Variants in SLC35F1 observed in about 807,000 individuals in gnomAD.
The protein encoded by SLC35F1 is solute carrier family 35 member F1.
Under a neutral mutation model 48.7 loss-of-function variants are expected in SLC35F1, and 14 were observed. The ratio of observed to expected loss-of-function variants is 0.29; its 90% CI spans 0.19 to 0.45. The LOEUF is 0.45. Ranked by LOEUF, SLC35F1 falls within the 20% of genes least tolerant of loss-of-function variation. SLC35F1 has a pLI of 1.00. For missense variants in SLC35F1, 404 were observed against 500.0 expected (o/e 0.81, Z 1.83); for synonymous variants, 190 against 202.2 (o/e 0.94, Z 0.51).
intron 1 of SLC35F1, among the ~76,000 whole-genome samples, chr6:118,098,601 T>C (rs960400361): frequency 3.3e-4 from 51 of 152,304 alleles, no homozygotes; most frequent in African/African-American, 1.2e-3. Context: ...TATGTCTTTT[T>C]TTATAATTCC....
intron 1 of SLC35F1, among the ~76,000 whole-genome samples, chr6:118,102,863 A>G (rs1773277954): frequency 6.6e-6 from 1 of 152,206 alleles, no homozygotes. Context: ...ACAGCCTGCT[A>G]TGATATCATG....
chr6:117,996,247 T>C (rs1776987399), intron 1 of SLC35F1, among the ~76,000 whole-genome samples: 1 of 152,216 alleles, frequency 6.6e-6, no homozygotes, highest in Non-Finnish European at 1.5e-5. Flanking sequence ...CACAAACTTT[T>C]GAAATCCTAG....
chr6:118,279,716 C>T (rs989623000), intron 6 of SLC35F1, among the ~76,000 whole-genome samples: 3 of 152,188 alleles, frequency 2.0e-5, no homozygotes, highest in Non-Finnish European at 2.9e-5. Context: ...AAACCCACCC[C>T]ACACTCCTTG....
At chr6:118,293,065 GA>G (rs1776144283) in intron 7 of SLC35F1, among the ~76,000 whole-genome samples, 1 of 152,114 alleles carries the variant, frequency 6.6e-6, no homozygotes, top group South Asian at 2.1e-4. Context: ...TTTTCCATTG[GA>G]GGGTGTGCTG....
At position 118,281,350 on chromosome 6, in the gene SLC35F1, G is replaced by C. The variant is rs142021564; in HGVS notation, c.847+3804G>C. On this transcript the variant is annotated intron_variant, in intron 6 of 7. Coordinates refer to ENST00000360388, the MANE Select transcript of SLC35F1 (RefSeq NM_001029858.4). ...GAATTTAAAGTCAGGCTGCCTATGT[G>C]ACCTAAGGGCAAGTTACTTAACCCC... Among the ~76,000 whole-genome samples the C allele has an allele frequency of 7.4e-4, 112 of 152,138 alleles. No individual in the cohort carries two copies. In the East Asian group the frequency reaches 0.015, roughly 21 times the overall value.
In SLC35F1 at chr6:117,966,141, C is replaced by CG. The variant is rs1554219381; in HGVS notation, c.173+58242_173+58243insG. Among the ~76,000 whole-genome samples the CG allele has an allele frequency of 2.2e-4, 31 of 140,392 alleles. 1 individual carries two copies. Among genetic ancestry groups the CG allele is most frequent in the Non-Finnish European group, 3.8e-4 (24 of 63,422 alleles). The allele number at this position is 140,392 out of a possible 152,430, so 92.1% of individuals were successfully genotyped here. A position where few individuals can be genotyped will look rare whatever the true frequency, so the allele number is the denominator to read the frequency against. The stretch of plus-strand genomic sequence containing the variant: ...TAAAAGCAGGCCACCGCCCCCCCCC[C>CG]CACTCCCGCCCCGCCCCAAGCAGCA... On this transcript the variant is annotated intron_variant, in intron 1 of 7. Transcript: ENST00000360388.
intron 1 of SLC35F1, among the ~76,000 whole-genome samples, chr6:118,124,018 C>T (rs1334835): frequency 0.033 from 5,059 of 152,108 alleles, 210 homozygotes; most frequent in African/African-American, 0.088. Flanking sequence ...AATCACAGAC[C>T]TGAAGAAAGG....
intron 1 of SLC35F1, among the ~76,000 whole-genome samples, chr6:117,996,391 G>C (rs546443811): frequency 6.6e-6 from 1 of 152,306 alleles, no homozygotes; most frequent in East Asian, 1.9e-4. Context: ...AAAGACAGGT[G>C]ATTTCTGCAT....
chr6:118,307,988 G>A (rs1419107872), intron 7 of SLC35F1, among the ~76,000 whole-genome samples: 4 of 152,208 alleles, frequency 2.6e-5, no homozygotes, highest in African/African-American at 9.7e-5. Flanking sequence ...ATAAGGACAC[G>A]CAGAGGGTTG....
At chr6:118,232,549 A>AG (rs1775305889) in intron 2 of SLC35F1, among the ~76,000 whole-genome samples, 1 of 99,626 alleles carries the variant, frequency 1.0e-5, no homozygotes, top group African/African-American at 5.4e-5. Flanking sequence ...ACTCCATCCC[A>AG]AAAAAAAAAA....
intron 1 of SLC35F1, among the ~76,000 whole-genome samples, chr6:117,965,467 T>G (rs1165018994): frequency 6.6e-6 from 1 of 152,214 alleles, no homozygotes; most frequent in Non-Finnish European, 1.5e-5. Flanking sequence ...GCAGAAGTTT[T>G]CCTTCTGGCA....
intron 1 of SLC35F1, among the ~76,000 whole-genome samples, chr6:118,056,371 A>G (rs1432367220): frequency 1.3e-5 from 2 of 152,228 alleles, no homozygotes; most frequent in Non-Finnish European, 2.9e-5. Flanking sequence ...GTGTAAGCAG[A>G]TAAATATACA....
intron 1 of SLC35F1, among the ~76,000 whole-genome samples, chr6:117,979,638 C>G (rs1776749526): frequency 6.6e-6 from 1 of 152,168 alleles, no homozygotes; most frequent in Non-Finnish European, 1.5e-5. Context: ...GCTTAAAACA[C>G]TCTTCTTAAA....
intron 1 of SLC35F1, among the ~76,000 whole-genome samples, chr6:117,923,683 A>ACGTATATG (rs1562238759): frequency 0.33 from 2,314 of 6,980 alleles, 745 homozygotes; most frequent in Middle Eastern, 0.83. Flanking sequence ...ATGTACATAT[A>ACGTATATG]TACATATGTA....
At chr6:118,091,506 C>T (rs531050550) in intron 1 of SLC35F1, among the ~76,000 whole-genome samples, 1 of 152,322 alleles carries the variant, frequency 6.6e-6, no homozygotes, top group South Asian at 2.1e-4. Flanking sequence ...CTTCACCTTC[C>T]ACCATGATTT....
At chr6:117,998,689 G>A (rs1445935610) in intron 1 of SLC35F1, among the ~76,000 whole-genome samples, 1 of 152,136 alleles carries the variant, frequency 6.6e-6, no homozygotes, top group Admixed American at 6.5e-5. Context: ...GATACATAAG[G>A]AAATGAAGGC....
chr6:118,301,746 C>T (rs968776995), intron 7 of SLC35F1, among the ~76,000 whole-genome samples: 1 of 152,140 alleles, frequency 6.6e-6, no homozygotes, highest in African/African-American at 2.4e-5. Context: ...TTAGGCTTTG[C>T]AGGCCATACG....
chr6:118,052,317 A>G (rs1273123314), intron 1 of SLC35F1, among the ~76,000 whole-genome samples: 1 of 152,204 alleles, frequency 6.6e-6, no homozygotes, highest in Non-Finnish European at 1.5e-5. Flanking sequence ...TTAAAAAGCA[A>G]GAAGTCCCTA....
intron 2 of SLC35F1, among the ~76,000 whole-genome samples, chr6:118,199,531 AT>A (rs1774845557): frequency 6.6e-6 from 1 of 152,246 alleles, no homozygotes; most frequent in Non-Finnish European, 1.5e-5. Context: ...AAGTGAACAT[AT>A]GTTAAAGTTT....
Sources: allele counts gnomAD v4.1 joint callset (sites outside exome capture counted in the v4.1 genomes callset), GRCh38; gene constraint gnomAD v4.1.1; transcripts MANE v1.5; gene names NCBI Gene and HGNC (gene_info 2026-07-23, HGNC 2026-07-21).